Variants in KIF13B observed in about 807,000 individuals in gnomAD.
KIF13B encodes the protein kinesin-like protein KIF13B.
In KIF13B, 127 loss-of-function variants were observed where a neutral mutation model predicts 222.0. The ratio of observed to expected loss-of-function variants is 0.57; its 90% CI spans 0.50 to 0.66. The LOEUF (loss-of-function observed/expected upper bound fraction) is 0.66. Ranked by LOEUF, KIF13B falls within the 30% of genes least tolerant of loss-of-function variation. KIF13B has a pLI of 0.00. For missense variants in KIF13B, 2,173 were observed against 2,379.0 expected (o/e 0.91, Z 1.80); for synonymous variants, 976 against 919.0 (o/e 1.06, Z -1.12).
At chr8:29,109,140 T>C (rs1809234855) in intron 34 of KIF13B, among the ~76,000 whole-genome samples, 3 of 152,156 alleles carry the variant, frequency 2.0e-5, no homozygotes, top group Admixed American at 2.0e-4. Context: ...CCGTGGCTAG[T>C]TTGGGTTTAG....
chr8:29,144,165 G>T (rs1363049760), intron 18 of KIF13B, among the ~76,000 whole-genome samples: 2 of 151,942 alleles, frequency 1.3e-5, no homozygotes, highest in African/African-American at 4.8e-5. Context: ...GAAATACATT[G>T]ATGTTTCATT....
In KIF13B at chr8:29,118,871, C is replaced by T; in HGVS notation, c.3657G>A (p.Gly1219=). ...TCCCAAGTTAGGCTTTCCTTACCTC[C>T]CCATCATGCTGCTTCACAATCTGCA... The part of the protein sequence containing the change: ...FELQIVKQHD[G]EVKAEASWDS... Residue 1219 remains glycine, a synonymous_variant, in exon 30 of 40, where the codon GGG becomes GGA. Transcript: ENST00000524189. The T allele has an allele frequency of 6.2e-7, 1 of 1,613,802 alleles. No individual in the cohort carries two copies. The highest frequency in any genetic ancestry group is 8.5e-7 in the Non-Finnish European group (1 of 1,179,806).
intron 2 of KIF13B, among the ~76,000 whole-genome samples, chr8:29,228,281 C>G (rs56187020): frequency 3.3e-5 from 5 of 150,418 alleles, no homozygotes; most frequent in Admixed American, 2.0e-4. Context: ...CTGGCTAACA[C>G]GGTGAAACCC....
chr8:29,108,447 C>A (rs1391329349), intron 34 of KIF13B, among the ~76,000 whole-genome samples: 1 of 152,176 alleles, frequency 6.6e-6, no homozygotes, highest in African/African-American at 2.4e-5. Context: ...ACCGGCTGGA[C>A]CTGAACAAGA....
At chr8:29,170,446 G>A (rs2130189567) in intron 10 of KIF13B, among the ~76,000 whole-genome samples, 1 of 152,282 alleles carries the variant, frequency 6.6e-6, no homozygotes, top group Admixed American at 6.5e-5. Context: ...TATATAACAA[G>A]GACTAAGATG....
intron 35 of KIF13B, among the ~76,000 whole-genome samples, chr8:29,104,436 C>G (rs189009622): frequency 3.3e-5 from 5 of 152,286 alleles, no homozygotes; most frequent in African/African-American, 4.8e-5. Flanking sequence ...CTATTTCTCC[C>G]CTAACCGGTC....
At chr8:29,107,634 A>C (rs1809141928) in intron 35 of KIF13B, among the ~76,000 whole-genome samples, 1 of 146,078 alleles carries the variant, frequency 6.8e-6, no homozygotes. Flanking sequence ...ATTTTGGCTC[A>C]CTGCAGGCTC....
chr8:29,121,542 T>C (rs532277083), intron 29 of KIF13B, among the ~76,000 whole-genome samples: 2,001 of 94,948 alleles, frequency 0.021, 100 homozygotes, highest in African/African-American at 0.083. Context: ...TTACACCTTA[T>C]ACAAAAATCA....
chr8:29,084,725 A>G (rs1807967303), intron 37 of KIF13B, among the ~76,000 whole-genome samples: 2 of 152,216 alleles, frequency 1.3e-5, no homozygotes, highest in Admixed American at 1.3e-4. Context: ...TAGATACATG[A>G]AAAAAAGCTA....
chr8:29,177,322 TCAA>T (rs1233023225), intron 9 of KIF13B, 141 bp downstream of exon 9: 1 of 618,614 alleles, frequency 1.6e-6, no homozygotes, highest in Non-Finnish European at 2.9e-6. Context: ...ATCAGGCATC[TCAA>T]CAAAACCTAA....
chr8:29,068,270 A>G lies in KIF13B; in HGVS notation c.*2234T>C, dbSNP rs186028374. The G allele has an allele frequency of 1.3e-5, 2 of 152,298 alleles. No individual in the cohort carries two copies. The highest frequency in any genetic ancestry group is 3.9e-4 in the East Asian group (2 of 5,150). The allele number at this position is 152,298 out of a possible 1,614,324, so 9.4% of individuals were successfully genotyped here. ...GTCTGCTGGTCAGGGAGGCAAGAAAAGAAGATAGAAGACGGAGGCCAGCCC... is the reference window on the plus strand; with the variant it reads ...GTCTGCTGGTCAGGGAGGCAAGAAAGGAAGATAGAAGACGGAGGCCAGCCC... On this transcript the variant is annotated 3_prime_UTR_variant, in exon 40 of 40. Coordinates refer to ENST00000524189, the MANE Select transcript of KIF13B (RefSeq NM_015254.4). The surrounding 1 kb of genome is among the most constrained non-coding windows in gnomAD (Gnocchi z 4.4).
rs373169946 is a variant in KIF13B at position 29,163,428 on chromosome 8, GC to G, written c.1269+2233del. ...TGGAGAACCCAGCTAACTTGCAACT[GC>G]CCCCAGAATGACGTGAGAAGTCCTT... On this transcript the variant is annotated intron_variant, in intron 12 of 39. Transcript: ENST00000524189. Among the ~76,000 whole-genome samples, 49 of 152,228 alleles carry G rather than the reference GC, an allele frequency of 3.2e-4. No homozygotes were observed. The Middle Eastern group carries it at 0.01, about 32-fold the overall frequency.
intron 10 of KIF13B, among the ~76,000 whole-genome samples, chr8:29,174,610 G>C (rs1410288258): frequency 6.6e-6 from 1 of 152,140 alleles, no homozygotes; most frequent in Admixed American, 6.5e-5. Context: ...CTTACTATCT[G>C]ATGTTTGTGA....
intron 1 of KIF13B, among the ~76,000 whole-genome samples, chr8:29,254,475 T>C (rs940879037): frequency 3.3e-5 from 5 of 152,154 alleles, no homozygotes; most frequent in African/African-American, 1.2e-4. Flanking sequence ...AATAAAAAGA[T>C]ATAGTTTTTG....
chr8:29,155,947 T>C (rs1177713258), intron 13 of KIF13B, 91 bp from the exon 14 acceptor site: 6 of 1,045,132 alleles, frequency 5.7e-6, no homozygotes, highest in Non-Finnish European at 8.4e-6. Flanking sequence ...TATTGTCCTA[T>C]TACCTTTGCG....
chr8:29,067,508 C>G lies in KIF13B; in HGVS notation c.*2996G>C. On this transcript the variant is annotated 3_prime_UTR_variant, in exon 40 of 40. Transcript: ENST00000524189. ...TATATGTGAACTCTTCGCATTTACA[C>G]GAATCCACACATAGAGAAGCTGTTC... The G allele has an allele frequency of 6.6e-6, 1 of 152,306 alleles. No individual in the cohort carries two copies. Among genetic ancestry groups the G allele is most frequent in the South Asian group, 2.1e-4 (1 of 4,828 alleles). 9.4% of individuals were successfully genotyped at this position (152,306 alleles called of 1,614,324 possible). A position where few individuals can be genotyped will look rare whatever the true frequency, so the allele number is the denominator to read the frequency against.
At chr8:29,174,351 T>C (rs1055268773) in intron 10 of KIF13B, among the ~76,000 whole-genome samples, 2 of 152,174 alleles carry the variant, frequency 1.3e-5, no homozygotes, top group African/African-American at 4.8e-5. Context: ...GTTTTTCTAA[T>C]TACAGAAAAA....
At chr8:29,110,203 T>A in intron 32 of KIF13B, 133 bp from the exon 33 acceptor site, 1 of 741,308 alleles carries the variant, frequency 1.3e-6, no homozygotes, top group Non-Finnish European at 2.2e-6. Flanking sequence ...GCCAAAGCAT[T>A]TTTCCAAGGA....
At chr8:29,080,559 C>A (rs1411224289) in intron 37 of KIF13B, among the ~76,000 whole-genome samples, 1 of 152,190 alleles carries the variant, frequency 6.6e-6, no homozygotes, top group Non-Finnish European at 1.5e-5. Flanking sequence ...GCTCCAGACC[C>A]TGACAGGGTG....
Sources: gnomAD v4.1 joint callset for allele counts (sites outside exome capture counted in the v4.1 genomes callset) on GRCh38, gnomAD v4.1.1 for gene constraint, Gnocchi (gnomAD v3.1) non-coding constraint, MANE v1.5 for transcripts, NCBI Gene and HGNC (gene_info 2026-07-23, HGNC 2026-07-21) for gene names.